The following MSRA variants were observed in gnomAD, a reference collection of about 807,000 sequenced individuals.
MSRA encodes the protein methionine sulfoxide reductase A.
In MSRA, 54 loss-of-function variants were observed where a neutral mutation model predicts 31.3. The observed-to-expected ratio is 1.73, with a 90% confidence interval of 1.39 to 2.17. MSRA has a LOEUF of 2.17. Among genes scored for constraint, MSRA ranks in the 30% most tolerant of loss-of-function variants. MSRA has a pLI of 0.00. For synonymous variants in MSRA, 169 were observed against 116.5 expected, an observed-to-expected ratio of 1.45 and a Z score of -2.90; for missense variants, 507 against 300.9, an observed-to-expected ratio of 1.69 and a Z score of -5.07.
intron 2 of MSRA, among the ~76,000 whole-genome samples, chr8:10,228,910 A>G (rs1212124476): frequency 1.3e-5 from 2 of 152,196 alleles, no homozygotes; most frequent in Non-Finnish European, 2.9e-5. Context: ...TGTTTCCTAG[A>G]AAACGATACT....
intron 1 of MSRA, among the ~76,000 whole-genome samples, chr8:10,149,673 C>T (rs1339478804): frequency 6.6e-6 from 1 of 151,758 alleles, no homozygotes; most frequent in East Asian, 2.0e-4. Flanking sequence ...CACAGGCTGT[C>T]CATTTGTAGT....
intron 1 of MSRA, among the ~76,000 whole-genome samples, chr8:10,131,256 C>T (rs1276951186): frequency 6.6e-6 from 1 of 152,110 alleles, no homozygotes; most frequent in African/African-American, 2.4e-5. Flanking sequence ...GTATAGAAGG[C>T]AATGACAATG....
chr8:10,416,853 C>A (rs1396478993), intron 5 of MSRA, among the ~76,000 whole-genome samples: 1 of 152,232 alleles, frequency 6.6e-6, no homozygotes, highest in Non-Finnish European at 1.5e-5. Flanking sequence ...TCCTTCCTCT[C>A]CTTCTCCATC....
At chr8:10,221,951 G>A (rs982944181) in intron 2 of MSRA, among the ~76,000 whole-genome samples, 2 of 152,150 alleles carry the variant, frequency 1.3e-5, no homozygotes, top group Non-Finnish European at 2.9e-5. Flanking sequence ...AGGAGGAGCA[G>A]CTGAGGTCAG....
intron 1 of MSRA, among the ~76,000 whole-genome samples, chr8:10,123,248 G>A (rs947475814): frequency 2.0e-5 from 3 of 152,088 alleles, no homozygotes; most frequent in Non-Finnish European, 4.4e-5. Context: ...ATCTCATTGT[G>A]GTTTTGATTT....
intron 1 of MSRA, among the ~76,000 whole-genome samples, chr8:10,091,938 C>G (rs1338048720): frequency 6.6e-6 from 1 of 152,000 alleles, no homozygotes. Context: ...TGAGGAACCT[C>G]CATACTGTTT....
chr8:10,415,837 C>T (rs1367421642), intron 5 of MSRA, among the ~76,000 whole-genome samples: 1 of 151,920 alleles, frequency 6.6e-6, no homozygotes, highest in Non-Finnish European at 1.5e-5. Context: ...TGCCTACTGT[C>T]AAATTCCCAG....
intron 3 of MSRA, among the ~76,000 whole-genome samples, chr8:10,276,656 A>G (rs891022353): frequency 6.6e-6 from 1 of 152,248 alleles, no homozygotes; most frequent in Admixed American, 6.5e-5. Flanking sequence ...CGTGTCTGCA[A>G]GACAACAGAA....
At chr8:10,205,701 TAAATA>T (rs1263256020) in intron 1 of MSRA, among the ~76,000 whole-genome samples, 4 of 152,148 alleles carry the variant, frequency 2.6e-5, no homozygotes, top group Non-Finnish European at 4.4e-5. Context: ...AGAAAGGAAA[TAAATA>T]AAAATAAATG....
chr8:10,400,480 A>G (rs942946695), intron 5 of MSRA, among the ~76,000 whole-genome samples: 3 of 151,998 alleles, frequency 2.0e-5, no homozygotes, highest in Non-Finnish European at 4.4e-5. Flanking sequence ...TGCTGGGAGG[A>G]GAAGCAGGAG....
chr8:10,223,598 C>T (rs758896205), intron 2 of MSRA, among the ~76,000 whole-genome samples: 1 of 152,068 alleles, frequency 6.6e-6, no homozygotes, highest in African/African-American at 2.4e-5. Context: ...ATGAACAGAT[C>T]GTCAGTGATT....
chr8:10,292,244 A>G (rs930116409), intron 3 of MSRA, among the ~76,000 whole-genome samples: 4 of 152,200 alleles, frequency 2.6e-5, no homozygotes, highest in African/African-American at 9.7e-5. Flanking sequence ...GGGTCCATAC[A>G]GATGCCCCGT....
chr8:10,198,820 A>C (rs968683555), intron 1 of MSRA, among the ~76,000 whole-genome samples: 1 of 152,038 alleles, frequency 6.6e-6, no homozygotes, highest in South Asian at 2.1e-4. Context: ...TAGCAATGGG[A>C]GTCTCGCTAT....
chr8:10,120,000 A>AG (rs1331701841), intron 1 of MSRA, among the ~76,000 whole-genome samples: 1 of 152,174 alleles, frequency 6.6e-6, no homozygotes, highest in African/African-American at 2.4e-5. Flanking sequence ...GATATAGGAG[A>AG]GGGTCGCCCT....
At chr8:10,245,049 G>A (rs1797542379) in intron 2 of MSRA, 55 bp from the exon 3 acceptor site, 3 of 1,576,822 alleles carry the variant, frequency 1.9e-6, no homozygotes, top group Non-Finnish European at 2.6e-6. Context: ...GATGTGCAAT[G>A]ACCACTTTGT....
intron 5 of MSRA, among the ~76,000 whole-genome samples, chr8:10,390,834 G>T (rs1279066365): frequency 1.3e-5 from 2 of 152,112 alleles, no homozygotes; most frequent in African/African-American, 4.8e-5. Flanking sequence ...AAATTATCTG[G>T]GCGCGGTGGC....
At chr8:10,196,860 CTG>C (rs1808038380) in intron 1 of MSRA, among the ~76,000 whole-genome samples, 2 of 152,174 alleles carry the variant, frequency 1.3e-5, no homozygotes, top group African/African-American at 4.8e-5. Context: ...GCATGAGCCA[CTG>C]TACCTGGCCA....
chr8:10,343,251 G>A (rs1803556263), intron 5 of MSRA, among the ~76,000 whole-genome samples: 1 of 152,202 alleles, frequency 6.6e-6, no homozygotes, highest in South Asian at 2.1e-4. Context: ...AATCCATGGT[G>A]AGAACACCGT....
intron 2 of MSRA, among the ~76,000 whole-genome samples, chr8:10,239,847 G>C (rs1436137903): frequency 6.6e-6 from 1 of 152,190 alleles, no homozygotes; most frequent in African/African-American, 2.4e-5. Context: ...GGGGAACATG[G>C]TGTGTCCCTA....
Sources: gnomAD v4.1 joint callset for allele counts (sites outside exome capture counted in the v4.1 genomes callset) on GRCh38, gnomAD v4.1.1 for gene constraint, MANE v1.5 for transcripts, NCBI Gene and HGNC (gene_info 2026-07-23, HGNC 2026-07-21) for gene names.